The following ARHGAP10 variants were observed in gnomAD, a reference collection of about 807,000 sequenced individuals.
ARHGAP10 encodes rho GTPase-activating protein 10.
Under a neutral mutation model 108.6 loss-of-function variants are expected in ARHGAP10, and 87 were observed. The observed-to-expected ratio is 0.80, with a 90% CI of 0.67 to 0.96. The LOEUF (loss-of-function observed/expected upper bound fraction) is 0.96, where lower values mean the gene tolerates loss of function less well. Ranked by LOEUF, ARHGAP10 falls within the 40% of genes least tolerant of loss-of-function variation. ARHGAP10 has a pLI of 0.00. For missense variants in ARHGAP10, 939 were observed against 954.5 expected (o/e 0.98, Z 0.21); for synonymous variants, 347 against 341.1 (o/e 1.02, Z -0.19).
At chr4:147,939,404 A>G (rs1241120374) in intron 13 of ARHGAP10, among the ~76,000 whole-genome samples, 1 of 152,226 alleles carries the variant, frequency 6.6e-6, no homozygotes, top group Non-Finnish European at 1.5e-5. Context: ...TATGGTTTTC[A>G]GAAATCATCC....
chr4:147,784,586 TATAA>T (rs1324024533), intron 1 of ARHGAP10, among the ~76,000 whole-genome samples: 1 of 113,456 alleles, frequency 8.8e-6, no homozygotes, highest in Non-Finnish European at 1.6e-5. Flanking sequence ...AAATATATAT[TATAA>T]ATATATATTA....
intron 10 of ARHGAP10, among the ~76,000 whole-genome samples, chr4:147,883,347 C>T (rs1488616349): frequency 6.6e-6 from 1 of 152,204 alleles, no homozygotes; most frequent in African/African-American, 2.4e-5. Flanking sequence ...CAGGTGTGAG[C>T]CACCATGCCT....
chr4:147,942,296 A>ATTTTTTTTTTT (rs1738190030), intron 14 of ARHGAP10, among the ~76,000 whole-genome samples: 2 of 152,142 alleles, frequency 1.3e-5, no homozygotes, highest in Admixed American at 1.3e-4. Flanking sequence ...GCCATGTACT[A>ATTTTTTTTTTT]TTTTTTGAGG....
intron 1 of ARHGAP10, among the ~76,000 whole-genome samples, chr4:147,807,427 A>G (rs1350956568): frequency 2.0e-5 from 3 of 152,142 alleles, no homozygotes; most frequent in Non-Finnish European, 4.4e-5. Context: ...AGAAGAACTT[A>G]TATTCCAGAA....
chr4:147,920,967 A>G (rs1204903919), intron 13 of ARHGAP10, among the ~76,000 whole-genome samples: 1 of 152,248 alleles, frequency 6.6e-6, no homozygotes, highest in Non-Finnish European at 1.5e-5. Flanking sequence ...TTGATTGTAA[A>G]GGAACTGGGT....
intron 18 of ARHGAP10, among the ~76,000 whole-genome samples, chr4:147,982,621 G>A (rs910656587): frequency 2.9e-5 from 4 of 135,764 alleles, no homozygotes; most frequent in Admixed American, 1.6e-4. Flanking sequence ...GGCTGGTCTC[G>A]AACTCCTTGG....
chr4:148,064,314 C>T, intron 21 of ARHGAP10, 102 bp from the exon 22 acceptor site: 1 of 872,212 alleles, frequency 1.1e-6, no homozygotes, highest in Non-Finnish European at 1.8e-6. Flanking sequence ...AGTTGCCCTA[C>T]TGGTGACATC....
At chr4:147,951,234 C>A (rs1015357829) in intron 15 of ARHGAP10, among the ~76,000 whole-genome samples, 1 of 151,990 alleles carries the variant, frequency 6.6e-6, no homozygotes, top group Non-Finnish European at 1.5e-5. Flanking sequence ...TCATTCCCCC[C>A]CTCCCTCGAC....
intron 1 of ARHGAP10, among the ~76,000 whole-genome samples, chr4:147,784,015 A>G (rs573275291): frequency 1.4e-5 from 2 of 138,834 alleles, no homozygotes; most frequent in South Asian, 5.9e-4. Context: ...AAATTATTAT[A>G]TAATTATATA....
intron 19 of ARHGAP10, among the ~76,000 whole-genome samples, chr4:148,027,471 C>T (rs892679715): frequency 2.6e-5 from 4 of 152,076 alleles, no homozygotes; most frequent in African/African-American, 9.7e-5. Context: ...AGTCCTACAG[C>T]GTGGTAGATA....
intron 18 of ARHGAP10, among the ~76,000 whole-genome samples, chr4:147,992,876 T>A (rs1008532823): frequency 6.6e-6 from 1 of 152,120 alleles, no homozygotes; most frequent in African/African-American, 2.4e-5. Context: ...ACACCCATCA[T>A]CTATTGTTTT....
At chr4:147,908,410 A>C (rs964348659) in intron 11 of ARHGAP10, among the ~76,000 whole-genome samples, 2 of 152,240 alleles carry the variant, frequency 1.3e-5, no homozygotes, top group African/African-American at 2.4e-5. Flanking sequence ...GTCTGTTGGC[A>C]ATGTCAGTGT....
At position 147,969,483 on chromosome 4, in the gene ARHGAP10, T is replaced by C. The variant is rs573732816; in HGVS notation, c.1716+2644T>C. ...TTTTTAGAAAGAAAAATAATTAGACTACAAGCTTTGAGACAATGTTACAGT... is the reference window on the plus strand; with the variant it reads ...TTTTTAGAAAGAAAAATAATTAGACCACAAGCTTTGAGACAATGTTACAGT... On this transcript the variant is annotated intron_variant, in intron 18 of 22. Transcript: ENST00000336498. Among the ~76,000 whole-genome samples the C allele has an allele frequency of 2.0e-5, 3 of 152,266 alleles. No individual in the cohort carries two copies. The East Asian group carries it at 5.8e-4, about 29-fold the overall frequency.
At chr4:148,000,612 T>C (rs756457549) in intron 18 of ARHGAP10, among the ~76,000 whole-genome samples, 3 of 152,200 alleles carry the variant, frequency 2.0e-5, no homozygotes, top group South Asian at 2.1e-4. Context: ...TTTTAATGAT[T>C]GCCATTCTAA....
chr4:148,032,468 C>A (rs190285691), intron 19 of ARHGAP10, among the ~76,000 whole-genome samples: 2 of 151,564 alleles, frequency 1.3e-5, no homozygotes, highest in Admixed American at 1.3e-4. Flanking sequence ...AAGTCTGTAC[C>A]TTGTGAAACT....
intron 17 of ARHGAP10, 89 bp downstream of exon 17, chr4:147,965,218 AC>A: frequency 1.1e-6 from 1 of 897,090 alleles, no homozygotes; most frequent in Non-Finnish European, 1.6e-6. Context: ...GGAACTGGGG[AC>A]CACACCTGGA....
chr4:147,797,504 C>A (rs1579057674), intron 1 of ARHGAP10, among the ~76,000 whole-genome samples: 1 of 152,268 alleles, frequency 6.6e-6, no homozygotes, highest in East Asian at 1.9e-4. Flanking sequence ...CCTCCGCCTC[C>A]CAGGTTCAAG....
At position 148,059,035 on chromosome 4, in the gene ARHGAP10, C is replaced by T. The variant is rs191505422; in HGVS notation, c.2028-4113C>T. On this transcript the variant is annotated intron_variant, in intron 20 of 22. Transcript: ENST00000336498. Reference sequence around the variant, plus strand: ...CTTTCAGTCTGTGCATTTTCAGGAACGTGTTTCCAAGTTAGCAATTTGAAA... The same window carrying T: ...CTTTCAGTCTGTGCATTTTCAGGAATGTGTTTCCAAGTTAGCAATTTGAAA... Among the ~76,000 whole-genome samples the T allele has an allele frequency of 2.1e-3, 316 of 152,306 alleles. 1 individual carries two copies. The highest frequency in any genetic ancestry group is 3.6e-3 in the Non-Finnish European group (244 of 68,042).
chr4:147,916,542 C>G (rs934993990), intron 13 of ARHGAP10: 3 of 152,278 alleles, frequency 2.0e-5, no homozygotes, highest in Non-Finnish European at 4.4e-5. Context: ...TTTGCCTTGG[C>G]TCAGAATAAA....
Sources: allele counts gnomAD v4.1 joint callset (sites outside exome capture counted in the v4.1 genomes callset), GRCh38; gene constraint gnomAD v4.1.1; transcripts MANE v1.5; gene names NCBI Gene and HGNC (gene_info 2026-07-23, HGNC 2026-07-21).